NBEA: variants seen among roughly 807,000 people sequenced by gnomAD.
NBEA encodes neurobeachin.
A neutral mutation model predicts 343.4 loss-of-function variants in NBEA; 44 were observed. That is an observed-to-expected ratio of 0.13 (90% CI 0.10 to 0.16). The LOEUF (loss-of-function observed/expected upper bound fraction) is 0.16. NBEA is among the 10% of genes least tolerant of loss of function. The pLI is 1.00. For missense variants in NBEA, 2,555 were observed against 3,631.3 expected (o/e 0.70, Z 7.62); for synonymous variants, 1,175 against 1,238.7 (o/e 0.95, Z 1.08).
intron 33 of NBEA, among the ~76,000 whole-genome samples, chr13:35,228,566 A>G (rs2074795449): frequency 6.6e-6 from 1 of 152,014 alleles, no homozygotes; most frequent in South Asian, 2.1e-4. Context: ...ACCAGCCTCC[A>G]GTGTCTATCA....
intron 9 of NBEA, among the ~76,000 whole-genome samples, chr13:35,070,457 A>G (rs536406515): frequency 5.7e-4 from 86 of 152,194 alleles, no homozygotes; most frequent in Middle Eastern, 3.4e-3. Context: ...AAATCCATCA[A>G]TAGTATTTCT....
At position 35,612,073 on chromosome 13, in the gene NBEA, GTT is replaced by G. The variant is rs60709883; in HGVS notation, c.7449+5506_7449+5507del. On this transcript the variant is annotated intron_variant, in intron 48 of 58. Transcript: ENST00000379939. ...GCCTCACTCCCACTTGTTATTACCT[GTT>G]TTTTTTTTTTATTACAGCCATTCTA... is the stretch of plus-strand genomic sequence containing the variant. 2.0e-4 allele frequency among the ~76,000 whole-genome samples: 29 copies of G among 142,692 alleles called. 1 individual carries two copies. The highest frequency in any genetic ancestry group is 4.2e-4 in the Admixed American group (6 of 14,230). The allele number at this position is 142,692 out of a possible 152,430, so 93.6% of individuals were successfully genotyped here.
intron 31 of NBEA, among the ~76,000 whole-genome samples, chr13:35,205,922 G>C (rs1002501622): frequency 1.3e-5 from 2 of 152,034 alleles, no homozygotes; most frequent in African/African-American, 4.8e-5. Flanking sequence ...GGAGGAGAAT[G>C]AAGCTTAGAG....
At chr13:35,349,249 T>G (rs777459094) in intron 37 of NBEA, 33 bp downstream of exon 37, 1 of 1,364,242 alleles carries the variant, frequency 7.3e-7, no homozygotes, top group African/African-American at 1.5e-5. Flanking sequence ...AATTCTGCCT[T>G]TCTATTATAA....
At chr13:35,498,531 T>C in intron 41 of NBEA, among the ~76,000 whole-genome samples, 1 of 152,056 alleles carries the variant, frequency 6.6e-6, no homozygotes, top group Non-Finnish European at 1.5e-5. Context: ...CTTAAAGCAC[T>C]AGGAGAGTGG....
chr13:35,623,961 A>G (rs1196062158), intron 48 of NBEA, among the ~76,000 whole-genome samples: 1 of 152,130 alleles, frequency 6.6e-6, no homozygotes, highest in East Asian at 1.9e-4. Context: ...AAAAAGAAAT[A>G]AGGCTTATTT....
intron 38 of NBEA, among the ~76,000 whole-genome samples, chr13:35,392,810 T>C (rs907039260): frequency 1.3e-5 from 2 of 152,170 alleles, no homozygotes; most frequent in Non-Finnish European, 2.9e-5. Flanking sequence ...TAATTTCAAA[T>C]TAAGAATGGT....
At chr13:35,337,809 G>A (rs1467540011) in intron 36 of NBEA, among the ~76,000 whole-genome samples, 2 of 152,010 alleles carry the variant, frequency 1.3e-5, no homozygotes, top group African/African-American at 4.8e-5. Flanking sequence ...TTTGAAATCA[G>A]TAAGAGAAGG....
chr13:35,619,797 C>G (rs1169583266), intron 48 of NBEA, among the ~76,000 whole-genome samples: 1 of 152,220 alleles, frequency 6.6e-6, no homozygotes, highest in Non-Finnish European at 1.5e-5. Context: ...TCTCTTGGAA[C>G]TGCAGTGTCC....
At chr13:35,193,277 C>G (rs1035435350) in intron 30 of NBEA, among the ~76,000 whole-genome samples, 1 of 151,810 alleles carries the variant, frequency 6.6e-6, no homozygotes, top group African/African-American at 2.4e-5. Context: ...TCTTCTCATT[C>G]TAGATTTGTA....
chr13:35,361,439 G>C (rs2040800806), intron 38 of NBEA, among the ~76,000 whole-genome samples: 1 of 152,112 alleles, frequency 6.6e-6, no homozygotes, highest in African/African-American at 2.4e-5. Flanking sequence ...ATGTAGTGGA[G>C]AAATGATAAT....
At chr13:35,286,118 A>G (rs2035405567) in intron 34 of NBEA, among the ~76,000 whole-genome samples, 1 of 152,062 alleles carries the variant, frequency 6.6e-6, no homozygotes, top group African/African-American at 2.4e-5. Flanking sequence ...ATTCTCTATG[A>G]ACCCCCTAAG....
chr13:34,945,880 A>G (rs932105573), intron 1 of NBEA, among the ~76,000 whole-genome samples: 1 of 152,168 alleles, frequency 6.6e-6, no homozygotes, highest in Non-Finnish European at 1.5e-5. Flanking sequence ...AGCATGCACT[A>G]AAGTGTAGGA....
intron 34 of NBEA, among the ~76,000 whole-genome samples, chr13:35,256,154 C>A (rs2032568049): frequency 6.6e-6 from 1 of 152,120 alleles, no homozygotes; most frequent in African/African-American, 2.4e-5. Context: ...AGAGAGGAGA[C>A]CTGCAATGGG....
intron 34 of NBEA, among the ~76,000 whole-genome samples, chr13:35,271,539 G>T (rs930473867): frequency 3.3e-5 from 5 of 152,092 alleles, no homozygotes; most frequent in Non-Finnish European, 7.4e-5. Flanking sequence ...GCTTCAGAAG[G>T]TTAGTAATAA....
At chr13:35,641,041 T>C (rs1160140246) in intron 49 of NBEA, among the ~76,000 whole-genome samples, 4 of 152,126 alleles carry the variant, frequency 2.6e-5, no homozygotes, top group Non-Finnish European at 4.4e-5. Context: ...TAACACTCTT[T>C]AACTTAATTT....
At chr13:35,407,390 G>A (rs1211703640) in intron 38 of NBEA, among the ~76,000 whole-genome samples, 2 of 151,774 alleles carry the variant, frequency 1.3e-5, no homozygotes, top group Non-Finnish European at 2.9e-5. Context: ...AAAAGCAACA[G>A]CTAAATTTTT....
At chr13:35,480,745 A>T (rs1057178207) in intron 41 of NBEA, among the ~76,000 whole-genome samples, 3 of 151,662 alleles carry the variant, frequency 2.0e-5, no homozygotes, top group Non-Finnish European at 4.4e-5. Context: ...TTCTTTTTTT[A>T]CACTAGAGAA....
At chr13:35,562,665 A>G (rs772462837) in intron 44 of NBEA, among the ~76,000 whole-genome samples, 4 of 152,052 alleles carry the variant, frequency 2.6e-5, no homozygotes, top group Non-Finnish European at 5.9e-5. Flanking sequence ...ATTGTCATCT[A>G]ATTAGATGTA....
Sources: gnomAD v4.1 joint callset for allele counts (sites outside exome capture counted in the v4.1 genomes callset) on GRCh38, gnomAD v4.1.1 for gene constraint, MANE v1.5 for transcripts, NCBI Gene and HGNC (gene_info 2026-07-23, HGNC 2026-07-21) for gene names.